Variants in PLOD2 observed in about 807,000 individuals in gnomAD.
PLOD2 encodes lysine hydroxylase 2.
PLOD2 carries 65 observed loss-of-function variants against 101.0 expected under a neutral mutation model. That is an observed-to-expected ratio of 0.64 (90% CI 0.53 to 0.79). The LOEUF is 0.79. PLOD2 is among the 30% of genes least tolerant of loss of function. The pLI is 0.00. For synonymous variants in PLOD2, 314 were observed against 302.9 expected, an observed-to-expected ratio of 1.04 and a Z score of -0.38; for missense variants, 909 against 914.6, an observed-to-expected ratio of 0.99 and a Z score of 0.08.
At chr3:146,093,484 A>T (rs544418411) in intron 7 of PLOD2, among the ~76,000 whole-genome samples, 1 of 152,338 alleles carries the variant, frequency 6.6e-6, no homozygotes, top group South Asian at 2.1e-4. Flanking sequence ...TTGTCAAATG[A>T]CAAAGGCAAA....
Position 146,088,578 on chromosome 3 carries a change from A to ATACT in PLOD2, c.1005+4_1005+7dup. Reference sequence around the variant, plus strand: ...TTGACATAAAATATTCATTTCTCAAATACTTACTTTGTTATGAATAAAAAG... The same window carrying ATACT: ...TTGACATAAAATATTCATTTCTCAAATACTTACTTACTTTGTTATGAATAAAAAG... On this transcript the variant is annotated splice_region_variant and intron_variant, in intron 9 of 19. Transcript: ENST00000282903. 6.5e-7 allele frequency: 1 copy of ATACT among 1,538,108 alleles called. No homozygotes were observed. Among genetic ancestry groups the ATACT allele is most frequent in the Non-Finnish European group, 9.0e-7 (1 of 1,113,194 alleles).
Position 146,079,148 on chromosome 3 carries a change from C to T in PLOD2, c.1468G>A (p.Asp490Asn), listed in dbSNP as rs1163531929. ...CTAGCATTTCGGCAAAGAGCCATATCAGGATCCAGTTTATCACGAACAAAA... is the reference window on the plus strand; with the variant it reads ...CTAGCATTTCGGCAAAGAGCCATATTAGGATCCAGTTTATCACGAACAAAA... Reference protein sequence around the residue: ...NYFVRDKLDPDMALCRNAREM... With the variant: ...NYFVRDKLDPNMALCRNAREM... Residue 490 changes from aspartate (D) to asparagine (N), a missense_variant, in exon 13 of 20, where the codon GAT (aspartate) becomes AAT (asparagine). Coordinates refer to ENST00000282903, the MANE Select transcript of PLOD2 (RefSeq NM_182943.3). 6.2e-7 allele frequency: 1 copy of T among 1,612,924 alleles called. No homozygotes were observed. The highest frequency in any genetic ancestry group is 1.7e-5 in the Admixed American group (1 of 59,958).
chr3:146,124,338 GT>G, intron 1 of PLOD2, 109 bp from the exon 2 acceptor site: 1 of 675,524 alleles, frequency 1.5e-6, no homozygotes, highest in Non-Finnish European at 2.7e-6. Flanking sequence ...GAATATTCTG[GT>G]TTACTTATCT....
At chr3:146,144,234 A>C (rs1048974539) in intron 1 of PLOD2, among the ~76,000 whole-genome samples, 2 of 152,180 alleles carry the variant, frequency 1.3e-5, no homozygotes, top group Non-Finnish European at 2.9e-5. Flanking sequence ...TGTACACACC[A>C]CTGATACGAA....
chr3:146,120,473 A>G (rs2030030046), intron 3 of PLOD2, among the ~76,000 whole-genome samples: 1 of 152,156 alleles, frequency 6.6e-6, no homozygotes, highest in African/African-American at 2.4e-5. Flanking sequence ...TTAATTCAAG[A>G]TGGATTAAAG....
In PLOD2 at chr3:146,104,323, A is replaced by C. The variant is rs1937495682; in HGVS notation, c.635T>G (p.Leu212Trp). Residue 212 changes from leucine (L) to tryptophan (W), a missense_variant, in exon 6 of 20, where the codon TTG (leucine) becomes TGG (tryptophan). Transcript: ENST00000282903. ...CTGGAAAATTTTGCATTTGTGATCC[A>C]ATGTGATGTTAATAGCTTCCTAAAA... ...PLKREAINIT[L>W]DHKCKIFQTL... 1 of 1,571,512 alleles carries C rather than the reference A, an allele frequency of 6.4e-7. No homozygotes were observed. Among genetic ancestry groups the C allele is most frequent in the African/African-American group, 1.3e-5 (1 of 74,082 alleles).
chr3:146,084,140 C>A (rs1267737031), intron 11 of PLOD2, among the ~76,000 whole-genome samples: 1 of 152,044 alleles, frequency 6.6e-6, no homozygotes, highest in Non-Finnish European at 1.5e-5. Context: ...AGTTACAAAT[C>A]ATACACTATT....
Position 146,071,123 on chromosome 3 carries a change from T to C in PLOD2, c.2040A>G (p.Arg680=). 6.2e-7 allele frequency: 1 copy of C among 1,611,098 alleles called. No homozygotes were observed. The highest frequency in any genetic ancestry group is 1.3e-5 in the African/African-American group (1 of 74,880). The change falls in exon 19 of 20, where the codon CGA becomes CGG. Residue 680 remains arginine, a synonymous_variant. Transcript: ENST00000282903. ...LNFVVKYSPE[R]QRSLRPHHDA... is the part of the protein sequence containing the mutation. ...CATGATGAGGACGAAGAGAACGCTG[T>C]CGTTCAGGGGAGTATTTTACTACAA...
intron 1 of PLOD2, among the ~76,000 whole-genome samples, chr3:146,156,581 TG>T (rs931190945): frequency 2.0e-4 from 30 of 152,280 alleles, no homozygotes; most frequent in African/African-American, 7.2e-4. Context: ...GGTAGCTGTT[TG>T]GGGTCTGCTA....
intron 7 of PLOD2, among the ~76,000 whole-genome samples, chr3:146,092,728 T>C (rs1309629474): frequency 1.3e-5 from 2 of 152,008 alleles, no homozygotes; most frequent in African/African-American, 4.8e-5. Flanking sequence ...GAAGGATAGG[T>C]GACAGAGGTA....
At chr3:146,106,285 A>T (rs1272448663) in intron 5 of PLOD2, among the ~76,000 whole-genome samples, 1 of 152,202 alleles carries the variant, frequency 6.6e-6, no homozygotes, top group Non-Finnish European at 1.5e-5. Flanking sequence ...GATCCAACCA[A>T]GTTCGGCAAG....
chr3:146,126,861 C>T (rs184518895), intron 1 of PLOD2, among the ~76,000 whole-genome samples: 1 of 152,142 alleles, frequency 6.6e-6, no homozygotes, highest in East Asian at 1.9e-4. Context: ...GAGACACATA[C>T]TGAAGTAATA....
intron 3 of PLOD2, among the ~76,000 whole-genome samples, chr3:146,118,390 TACGGC>T (rs149121020): frequency 0.018 from 2,715 of 152,284 alleles, 85 homozygotes; most frequent in African/African-American, 0.061. Context: ...TTTAAGTGTG[TACGGC>T]ACTGGGACTT....
chr3:146,095,852 ACCCTCTCCCCTCTCCCCTCTCCCCTCTC>A (rs1161771294), intron 7 of PLOD2, among the ~76,000 whole-genome samples: 6 of 73,576 alleles, frequency 8.2e-5, no homozygotes, highest in African/African-American at 2.2e-4. Context: ...TGTGGCATAT[ACCCTCTCCCCTCTCCCCTCTCCCCTCTC>A]CCCTCTCCCC....
rs1036376887 is a variant in PLOD2 at position 146,149,823 on chromosome 3, A to G, written c.109+11058T>C. ...GTAAAAAACAACTGTATAAGTAACT[A>G]TATATGTTTTTAAAATTAAGTCACA... On this transcript the variant is annotated intron_variant, in intron 1 of 19. Coordinates refer to ENST00000282903, the MANE Select transcript of PLOD2 (RefSeq NM_182943.3). Among the ~76,000 whole-genome samples, 9 of 151,240 alleles carry G rather than the reference A, an allele frequency of 6.0e-5. 1 individual carries two copies. Among genetic ancestry groups the G allele is most frequent in the African/African-American group, 1.5e-4 (6 of 41,156 alleles).
chr3:146,088,825 T>C, intron 8 of PLOD2, 114 bp from the exon 9 acceptor site: 2 of 919,114 alleles, frequency 2.2e-6, no homozygotes, highest in South Asian at 1.5e-5. Flanking sequence ...CAATTCAACA[T>C]AATCTGCTAA....
chr3:146,099,990 C>T (rs1346123847), intron 7 of PLOD2, among the ~76,000 whole-genome samples: 2 of 150,838 alleles, frequency 1.3e-5, no homozygotes, highest in East Asian at 3.9e-4. Context: ...AAGCGATTCT[C>T]CTGCCTCAGC....
chr3:146,136,403 G>A (rs2031231315), intron 1 of PLOD2, among the ~76,000 whole-genome samples: 1 of 152,128 alleles, frequency 6.6e-6, no homozygotes, highest in African/African-American at 2.4e-5. Context: ...CTAATGTGAG[G>A]AGGACAGCGA....
chr3:146,124,222 T>C lies in PLOD2; in HGVS notation c.117A>G (p.Leu39=), dbSNP rs1228919008. The C allele has an allele frequency of 1.3e-6, 2 of 1,560,208 alleles. No homozygotes were observed. The highest frequency in any genetic ancestry group is 1.1e-5 in the South Asian group (1 of 90,024). Residue 39 remains leucine (L), a synonymous_variant, in exon 2 of 20, where the codon TTA becomes TTG. Transcript: ENST00000282903. ...CTTTTGTTGCTACAGTTATGACTAA[T>C]AATTTATCTGCAAAGACAAAAGGAA... ...EKPSSIPTDK[L]LVITVATKES...
Sources: gnomAD v4.1 joint callset for allele counts (sites outside exome capture counted in the v4.1 genomes callset) on GRCh38, gnomAD v4.1.1 for gene constraint, MANE v1.5 for transcripts, NCBI Gene and HGNC (gene_info 2026-07-23, HGNC 2026-07-21) for gene names.